NRXN3: variants seen among roughly 807,000 people sequenced by gnomAD.
The protein encoded by NRXN3 is neurexin 3, also known as neurexin III.
Under a neutral mutation model 137.6 loss-of-function variants are expected in NRXN3, and 32 were observed. That is an observed-to-expected ratio of 0.23 (90% confidence interval 0.18 to 0.31). NRXN3 has a LOEUF of 0.31. Among genes scored for constraint, NRXN3 ranks in the 10% least tolerant of loss-of-function variants. The pLI is 1.00. For synonymous variants in NRXN3, 798 were observed against 784.5 expected (o/e 1.02, Z -0.29); for missense variants, 1,574 against 2,062.5 (o/e 0.76, Z 4.59).
At chr14:79,131,708 A>G (rs1596316042) in intron 15 of NRXN3, among the ~76,000 whole-genome samples, 2 of 152,222 alleles carry the variant, frequency 1.3e-5, no homozygotes, top group South Asian at 4.1e-4. Context: ...GGCTCCACCC[A>G]GTTGGAGCTT....
chr14:79,321,867 A>G (rs2090088404), intron 15 of NRXN3, among the ~76,000 whole-genome samples: 1 of 149,014 alleles, frequency 6.7e-6, no homozygotes. Flanking sequence ...TAAACTATAT[A>G]TAAATATAAC....
chr14:79,819,678 T>C (rs534288703), intron 20 of NRXN3, among the ~76,000 whole-genome samples: 110 of 151,888 alleles, frequency 7.2e-4, no homozygotes, highest in African/African-American at 2.5e-3. Context: ...AGAGACGGGG[T>C]TTCACCATGT....
At chr14:79,745,916 C>T (rs1029835961) in intron 19 of NRXN3, among the ~76,000 whole-genome samples, 1 of 152,112 alleles carries the variant, frequency 6.6e-6, no homozygotes, top group Non-Finnish European at 1.5e-5. Context: ...TGGCTATCTT[C>T]TTGTAAGACA....
At chr14:79,283,590 C>G (rs922245215) in intron 15 of NRXN3, among the ~76,000 whole-genome samples, 1 of 152,052 alleles carries the variant, frequency 6.6e-6, no homozygotes, top group South Asian at 2.1e-4. Context: ...TGCTGGGATT[C>G]TTTGTAAATT....
chr14:78,993,410 T>C lies in NRXN3; in HGVS notation c.3262+5269T>C, dbSNP rs921933936. Among the ~76,000 whole-genome samples the C allele has an allele frequency of 2.6e-5, 4 of 152,318 alleles. No homozygotes were observed. In the South Asian group the frequency reaches 8.3e-4, roughly 32 times the overall value. ...AACCTATGTTGTTATGAACCTATGT[T>C]GTTCCAGACCTATTGGTATAGCAGT... On this transcript the variant is annotated intron_variant, in intron 15 of 20. Coordinates refer to ENST00000335750, the MANE Select transcript of NRXN3 (RefSeq NM_001330195.2).
chr14:78,756,290 C>T (rs988291141), intron 8 of NRXN3, among the ~76,000 whole-genome samples: 2 of 152,102 alleles, frequency 1.3e-5, no homozygotes, highest in Admixed American at 1.3e-4. Flanking sequence ...GAGTTTGAGA[C>T]TAGCCTGGTA....
intron 19 of NRXN3, among the ~76,000 whole-genome samples, chr14:79,775,122 G>A (rs888760814): frequency 6.6e-6 from 1 of 152,070 alleles, no homozygotes; most frequent in African/African-American, 2.4e-5. Flanking sequence ...ACTATGGTAT[G>A]TATTAATACC....
intron 15 of NRXN3, among the ~76,000 whole-genome samples, chr14:79,205,477 T>C (rs1399835642): frequency 2.0e-5 from 3 of 152,218 alleles, no homozygotes; most frequent in South Asian, 2.1e-4. Flanking sequence ...TGTTACTCAA[T>C]CTTATCACCA....
chr14:79,271,597 T>A (rs1209872989), intron 15 of NRXN3, among the ~76,000 whole-genome samples: 1 of 148,102 alleles, frequency 6.8e-6, no homozygotes, highest in African/African-American at 2.5e-5. Context: ...TTCCCTTCCC[T>A]TCTCCTGCCG....
At chr14:79,744,968 T>G (rs1465955725) in intron 19 of NRXN3, among the ~76,000 whole-genome samples, 1 of 151,288 alleles carries the variant, frequency 6.6e-6, no homozygotes, top group Non-Finnish European at 1.5e-5. Context: ...GAAGATAAAT[T>G]TATTAGCCAG....
intron 15 of NRXN3, among the ~76,000 whole-genome samples, chr14:79,104,416 T>C (rs2051963373): frequency 6.6e-6 from 1 of 152,138 alleles, no homozygotes; most frequent in African/African-American, 2.4e-5. Context: ...CACAGGAATA[T>C]CCTCCCCACT....
chr14:79,744,656 T>C (rs1030897143), intron 19 of NRXN3, among the ~76,000 whole-genome samples: 3 of 152,206 alleles, frequency 2.0e-5, no homozygotes, highest in African/African-American at 7.2e-5. Context: ...CAGTGTGCTT[T>C]AAGGAGTCCC....
At chr14:79,571,865 T>C (rs1243052593) in intron 16 of NRXN3, among the ~76,000 whole-genome samples, 2 of 152,114 alleles carry the variant, frequency 1.3e-5, no homozygotes, top group Non-Finnish European at 2.9e-5. Flanking sequence ...TTATAACCCT[T>C]CTGTTTAATT....
intron 15 of NRXN3, among the ~76,000 whole-genome samples, chr14:79,210,943 C>T (rs1052051151): frequency 5.9e-5 from 9 of 152,114 alleles, no homozygotes; most frequent in Admixed American, 4.6e-4. Flanking sequence ...TAAATTTCAT[C>T]ACTTGGTTAT....
At chr14:79,202,082 T>C (rs1430385478) in intron 15 of NRXN3, among the ~76,000 whole-genome samples, 1 of 151,896 alleles carries the variant, frequency 6.6e-6, no homozygotes, top group Non-Finnish European at 1.5e-5. Flanking sequence ...ATCTTTTTTT[T>C]TTTTTTCCTC....
intron 1 of NRXN3, among the ~76,000 whole-genome samples, chr14:78,192,783 G>A (rs963218782): frequency 2.0e-5 from 3 of 152,154 alleles, no homozygotes; most frequent in African/African-American, 7.2e-5. Context: ...TGCACAAAGA[G>A]GGCAGGGGTA....
intron 10 of NRXN3, among the ~76,000 whole-genome samples, chr14:78,826,467 T>C (rs559787836): frequency 1.1e-4 from 17 of 152,278 alleles, no homozygotes; most frequent in Admixed American, 5.2e-4. Flanking sequence ...TGAAAAAACA[T>C]GCACACGCAT....
chr14:79,543,181 C>A (rs2097289787), intron 16 of NRXN3, among the ~76,000 whole-genome samples: 1 of 152,178 alleles, frequency 6.6e-6, no homozygotes, highest in South Asian at 2.1e-4. Flanking sequence ...TTGTCATCTT[C>A]CAAGGCATCA....
intron 4 of NRXN3, among the ~76,000 whole-genome samples, chr14:78,628,784 TG>T (rs1330320461): frequency 6.6e-6 from 1 of 152,210 alleles, no homozygotes; most frequent in Non-Finnish European, 1.5e-5. Flanking sequence ...AAAGAACCAC[TG>T]TCCAGGCTAG....
Sources: allele counts gnomAD v4.1 joint callset (sites outside exome capture counted in the v4.1 genomes callset), GRCh38; gene constraint gnomAD v4.1.1; transcripts MANE v1.5; gene names NCBI Gene and HGNC (gene_info 2026-07-23, HGNC 2026-07-21).